The following IPO11 variants were observed in gnomAD, a reference collection of about 807,000 sequenced individuals.
The protein encoded by IPO11 is importin-11.
In IPO11, 66 loss-of-function variants were observed where a neutral mutation model predicts 143.2. The ratio of observed to expected loss-of-function variants is 0.46; its 90% CI spans 0.38 to 0.57. IPO11 has a LOEUF of 0.57. Among genes scored for constraint, IPO11 ranks in the 20% least tolerant of loss-of-function variants. IPO11 has a pLI of 0.00. For missense variants in IPO11, 1,026 were observed against 1,141.0 expected, an observed-to-expected ratio of 0.90 and a Z score of 1.45; for synonymous variants, 385 against 377.8, an observed-to-expected ratio of 1.02 and a Z score of -0.22.
chr5:62,422,946 T>C lies in IPO11; in HGVS notation c.-7+10017T>C, dbSNP rs184623526. Among the ~76,000 whole-genome samples the C allele has an allele frequency of 1.4e-4, 21 of 152,306 alleles. No individual in the cohort carries two copies. In the East Asian group the frequency reaches 3.7e-3, roughly 27 times the overall value. On this transcript the variant is annotated intron_variant, in intron 1 of 29. Coordinates refer to ENST00000325324, the MANE Select transcript of IPO11 (RefSeq NM_016338.5). ...GGCATTTGCAGGTGTTCAGTATATA[T>C]TTATTGAATTAATAAATATGGAAAA...
chr5:62,439,884 CT>C (rs1744402475), intron 2 of IPO11, among the ~76,000 whole-genome samples: 1 of 152,118 alleles, frequency 6.6e-6, no homozygotes, highest in Non-Finnish European at 1.5e-5. Flanking sequence ...TATACATGAT[CT>C]CAGGCTTATG....
intron 27 of IPO11, among the ~76,000 whole-genome samples, chr5:62,587,178 C>T (rs1311054778): frequency 6.6e-6 from 1 of 151,948 alleles, no homozygotes; most frequent in Non-Finnish European, 1.5e-5. Flanking sequence ...GAGGGCGACA[C>T]TGCTGTGTGT....
At position 62,627,524 on chromosome 5, in the gene IPO11, T is replaced by C. The variant is rs766330717; in HGVS notation, c.*206T>C. 76 of 439,806 alleles carry C rather than the reference T, an allele frequency of 1.7e-4. No individual in the cohort carries two copies. The highest frequency in any genetic ancestry group is 2.8e-4 in the Non-Finnish European group (71 of 255,226). The allele number at this position is 439,806 out of a possible 1,614,324, so 27.2% of individuals were successfully genotyped here. A position where few individuals can be genotyped will look rare whatever the true frequency, so the allele number is the denominator to read the frequency against. On this transcript the variant is annotated 3_prime_UTR_variant, in exon 30 of 30. Coordinates refer to ENST00000325324, the MANE Select transcript of IPO11 (RefSeq NM_016338.5). Reference sequence around the variant, plus strand: ...CCTATTCCTCAAAAGAATTTAATTTTATATTTATGAGGGGGCCCTTCACTA... The same window carrying C: ...CCTATTCCTCAAAAGAATTTAATTTCATATTTATGAGGGGGCCCTTCACTA...
At chr5:62,468,566 A>G (rs1745646697) in intron 6 of IPO11, among the ~76,000 whole-genome samples, 1 of 152,262 alleles carries the variant, frequency 6.6e-6, no homozygotes, top group Admixed American at 6.5e-5. Context: ...ATGTTTGCTC[A>G]GAAAGAATTA....
At chr5:62,568,663 G>C (rs910190261) in intron 27 of IPO11, among the ~76,000 whole-genome samples, 1 of 143,476 alleles carries the variant, frequency 7.0e-6, no homozygotes. Flanking sequence ...CTCGAAATTT[G>C]TTGAGCTTCC....
chr5:62,413,904 C>T (rs1743205711), intron 1 of IPO11, among the ~76,000 whole-genome samples: 1 of 152,228 alleles, frequency 6.6e-6, no homozygotes, highest in African/African-American at 2.4e-5. Context: ...TTACATCTTT[C>T]ATCACTGAGG....
intron 5 of IPO11, among the ~76,000 whole-genome samples, chr5:62,455,582 C>T (rs1745110608): frequency 6.6e-6 from 1 of 152,108 alleles, no homozygotes; most frequent in Non-Finnish European, 1.5e-5. Flanking sequence ...GTGTAGTGCA[C>T]AGGGTACACT....
intron 27 of IPO11, among the ~76,000 whole-genome samples, chr5:62,577,497 T>C (rs1744358933): frequency 6.6e-6 from 1 of 152,114 alleles, no homozygotes; most frequent in Non-Finnish European, 1.5e-5. Flanking sequence ...AATTGAAAAA[T>C]CCATGGGACA....
chr5:62,482,060 T>G (rs759739301), intron 9 of IPO11, among the ~76,000 whole-genome samples: 4 of 152,226 alleles, frequency 2.6e-5, no homozygotes, highest in Non-Finnish European at 5.9e-5. Flanking sequence ...CTTGTAGATT[T>G]TCTAGTTTAT....
chr5:62,628,441 T>A lies in IPO11; in HGVS notation c.*1123T>A, dbSNP rs754014272. 5.2e-5 allele frequency: 8 copies of A among 152,640 alleles called. No homozygotes were observed. The highest frequency in any genetic ancestry group is 1.0e-4 in the Non-Finnish European group (7 of 68,034). The allele number at this position is 152,640 out of a possible 1,614,324, so 9.5% of individuals were successfully genotyped here. A position where few individuals can be genotyped will look rare whatever the true frequency, so the allele number is the denominator to read the frequency against. ...GGTTGGAAAATGTTTTATCTTTCTA[T>A]AGAAAGTTGGGTACAGTATGTAACT... On this transcript the variant is annotated 3_prime_UTR_variant, in exon 30 of 30. Coordinates refer to ENST00000325324, the MANE Select transcript of IPO11 (RefSeq NM_016338.5).
intron 24 of IPO11, among the ~76,000 whole-genome samples, chr5:62,540,046 A>G (rs565514151): frequency 8.6e-4 from 131 of 152,316 alleles, no homozygotes; most frequent in African/African-American, 3.0e-3. Flanking sequence ...TTTCTCCTCT[A>G]TTATACTGAG....
intron 20 of IPO11, among the ~76,000 whole-genome samples, chr5:62,523,278 C>T (rs1742260792): frequency 6.6e-6 from 1 of 152,116 alleles, no homozygotes; most frequent in African/African-American, 2.4e-5. Context: ...TGTATTGAAA[C>T]TGTTCCTCTG....
At chr5:62,579,707 A>T (rs1466249374) in intron 27 of IPO11, 1 of 1,548,368 alleles carries the variant, frequency 6.5e-7, no homozygotes, top group East Asian at 2.4e-5. Context: ...GTAGCATTGT[A>T]TTTGGATAAT....
intron 1 of IPO11, among the ~76,000 whole-genome samples, chr5:62,435,599 C>T (rs367598336): frequency 2.4e-4 from 36 of 150,876 alleles, no homozygotes; most frequent in Non-Finnish European, 3.8e-4. Flanking sequence ...ATCTGGGCTG[C>T]GCATGGTGGC....
At chr5:62,419,393 T>C (rs1743420149) in intron 1 of IPO11, among the ~76,000 whole-genome samples, 3 of 152,198 alleles carry the variant, frequency 2.0e-5, no homozygotes, top group African/African-American at 7.2e-5. Flanking sequence ...TTTATAAACT[T>C]TTTGTCTCTG....
intron 24 of IPO11, among the ~76,000 whole-genome samples, chr5:62,540,852 GTC>G (rs1236947968): frequency 6.6e-6 from 1 of 152,104 alleles, no homozygotes; most frequent in African/African-American, 2.4e-5. Flanking sequence ...TCATTATTTA[GTC>G]TCTCTATGGG....
intron 1 of IPO11, among the ~76,000 whole-genome samples, chr5:62,431,152 A>G (rs1311927007): frequency 2.7e-5 from 4 of 150,878 alleles, no homozygotes; most frequent in East Asian, 3.9e-4. Context: ...CTAATTTTTT[A>G]TATTTTTAGT....
In IPO11 at chr5:62,513,560, C is replaced by G. The variant is rs1395987216; in HGVS notation, c.1783-1828C>G. ...GGGGGGCTGAGCCCCCCACCTCCCT[C>G]CCGGACGGGGCGGCTGGCTGGGCAG... On this transcript the variant is annotated intron_variant, in intron 19 of 29. Transcript: ENST00000325324. 6.3e-5 allele frequency among the ~76,000 whole-genome samples: 9 copies of G among 143,010 alleles called. No homozygotes were observed. In the East Asian group the frequency reaches 2.0e-3, roughly 31 times the overall value. The allele number at this position is 143,010 out of a possible 152,430, so 93.8% of individuals were successfully genotyped here. A position where few individuals can be genotyped will look rare whatever the true frequency, so the allele number is the denominator to read the frequency against.
intron 6 of IPO11, among the ~76,000 whole-genome samples, chr5:62,468,651 A>G (rs1473591707): frequency 1.3e-5 from 2 of 152,138 alleles, no homozygotes; most frequent in Non-Finnish European, 2.9e-5. Flanking sequence ...AATTTTCAAG[A>G]TTTCTTTTGA....
Sources: gnomAD v4.1 joint callset for allele counts (sites outside exome capture counted in the v4.1 genomes callset) on GRCh38, gnomAD v4.1.1 for gene constraint, MANE v1.5 for transcripts, NCBI Gene and HGNC (gene_info 2026-07-23, HGNC 2026-07-21) for gene names.